TMEM120A: variants seen among roughly 807,000 people sequenced by gnomAD.
TMEM120A encodes ion channel TACAN.
Under a neutral mutation model 54.3 loss-of-function variants are expected in TMEM120A, and 45 were observed. The ratio of observed to expected loss-of-function variants is 0.83; its 90% confidence interval spans 0.65 to 1.06. The LOEUF (loss-of-function observed/expected upper bound fraction) is 1.06. TMEM120A is among the 50% of genes least tolerant of loss of function. The probability of loss-of-function intolerance (pLI) is 0.00; values close to 1 mark genes in which losing one functional copy is unlikely to be tolerated. For synonymous variants in TMEM120A, 204 were observed against 178.5 expected, an observed-to-expected ratio of 1.14 and a Z score of -1.14; for missense variants, 424 against 441.7, an observed-to-expected ratio of 0.96 and a Z score of 0.36.
chr7:75,987,886 G>A (rs1196502091), intron 8 of TMEM120A, 37 bp downstream of exon 8: 1 of 1,598,712 alleles, frequency 6.3e-7, no homozygotes, highest in Non-Finnish European at 8.5e-7. Context: ...CACCACGGGT[G>A]CCTCCAGGGC....
chr7:75,988,528 AG>A lies in TMEM120A; in HGVS notation c.378-13del. 6.3e-7 allele frequency: 1 copy of A among 1,592,516 alleles called. No homozygotes were observed. Among genetic ancestry groups the A allele is most frequent in the East Asian group, 2.3e-5 (1 of 44,194 alleles). On this transcript the variant is annotated splice_polypyrimidine_tract_variant and intron_variant, in intron 4 of 11. Coordinates refer to ENST00000493111, the MANE Select transcript of TMEM120A (RefSeq NM_031925.3). ...CCTTGTAGGCAAACCTGGGGGGCGC[AG>A]GCCGGTGAGACGGGTGGGGTGCTGG... is the stretch of plus-strand genomic sequence containing the variant.
chr7:75,994,417 G>T, intron 1 of TMEM120A, 73 bp downstream of exon 1: 1 of 1,400,558 alleles, frequency 7.1e-7, no homozygotes. Flanking sequence ...CCTGACCCAG[G>T]GCTGCCCGAC....
intron 9 of TMEM120A, 49 bp from the exon 10 acceptor site, chr7:75,987,651 G>A (rs782280083): frequency 4.4e-6 from 7 of 1,604,374 alleles, no homozygotes; most frequent in Admixed American, 1.7e-5. Flanking sequence ...CAGAGGGGAC[G>A]CTACCACTCA....
At chr7:75,993,567 T>C (rs1789926894) in intron 1 of TMEM120A, among the ~76,000 whole-genome samples, 1 of 152,126 alleles carries the variant, frequency 6.6e-6, no homozygotes, top group Non-Finnish European at 1.5e-5. Flanking sequence ...GAAGCACCAA[T>C]GGCAGGGGCC....
Position 75,988,274 on chromosome 7 carries a change from T to A in TMEM120A, c.541A>T (p.Ile181Phe). 2.5e-6 allele frequency: 4 copies of A among 1,612,204 alleles called. No individual in the cohort carries two copies. The highest frequency in any genetic ancestry group is 1.3e-5 in the African/African-American group (1 of 75,018). ...YYCTLTIRESILINNGSRIKG... is the reference protein window; with the variant it reads ...YYCTLTIRESFLINNGSRIKG... ...CACCGGGAGCCGTTGTTGATGAGGA[T>A]GCTCTCCCGGATGGTCAGGGTGCAG... The change falls in exon 6 of 12, where the codon ATC becomes TTC. Residue 181 changes from isoleucine (I) to phenylalanine (F), a missense_variant. Ile to Phe is a conservative substitution (Grantham distance 21). Transcript: ENST00000493111.
chr7:75,989,276 C>T, intron 3 of TMEM120A, 52 bp from the exon 4 acceptor site: 2 of 1,237,986 alleles, frequency 1.6e-6, no homozygotes. Context: ...AGACAAGCCA[C>T]CGGTACTCAG....
Position 75,987,742 on chromosome 7 carries a change from G to A in TMEM120A, c.760C>T (p.Arg254Trp), listed in dbSNP as rs374985692. Residue 254 changes from arginine to tryptophan, a missense_variant, in exon 9 of 12, where the codon CGG becomes TGG. Coordinates refer to ENST00000493111, the MANE Select transcript of TMEM120A (RefSeq NM_031925.3). ...CCCACAGTGAGGTCCATGGTGTGCC[G>A]CTCGCCCAGCGCCCGCAGGCGGTAG... ...CLYRLRALGE[R>W]HTMDLTVEGF... 1.5e-5 allele frequency: 24 copies of A among 1,612,286 alleles called. No individual in the cohort carries two copies. Among genetic ancestry groups the A allele is most frequent in the South Asian group, 9.9e-5 (9 of 91,036 alleles).
intron 4 of TMEM120A, among the ~76,000 whole-genome samples, 177 bp downstream of exon 4, chr7:75,988,988 T>G (rs1437992090): frequency 1.1e-3 from 2 of 1,898 alleles, no homozygotes; most frequent in African/African-American, 1.7e-3. Context: ...GGGTGGGGGG[T>G]GGAGGGGAAG....
In TMEM120A at chr7:75,989,185, C is replaced by T. The variant is rs376816660; in HGVS notation, c.357G>A (p.Thr119=). The T allele has an allele frequency of 1.3e-4, 193 of 1,440,732 alleles. No homozygotes were observed. Among genetic ancestry groups the T allele is most frequent in the Non-Finnish European group, 2.7e-5 (29 of 1,074,082 alleles). 89.2% of individuals were successfully genotyped at this position (1,440,732 alleles called of 1,614,324 possible). ...LSLVLGNVNV[T]LLSKQAKFAY... ...ATTACTTAGCCTGCTTGCTCAGGAG[C>T]GTGACGTTGACGTTCCCCAGAACCA... is the stretch of plus-strand genomic sequence containing the variant. The change falls in exon 4 of 12, where the codon ACG becomes ACA. Residue 119 remains threonine (T), a synonymous_variant. Transcript: ENST00000493111.
At chr7:75,987,337 C>G (rs782611074) in intron 11 of TMEM120A, 23 bp downstream of exon 11, 1 of 1,564,076 alleles carries the variant, frequency 6.4e-7, no homozygotes. Context: ...CCCCATCCAT[C>G]CTGTCCAGGG....
Position 75,987,216 on chromosome 7 carries a change from G to A in TMEM120A, c.988C>T (p.His330Tyr). The A allele has an allele frequency of 4.4e-6, 7 of 1,608,958 alleles. No individual in the cohort carries two copies. The highest frequency in any genetic ancestry group is 5.9e-6 in the Non-Finnish European group (7 of 1,178,274). Residue 330 changes from histidine to tyrosine, a missense_variant, in exon 12 of 12, where the codon CAC becomes TAC. Physicochemically the swap from His to Tyr is moderately conservative, Grantham distance 83. Transcript: ENST00000493111. ...TGCCGCTGACTGTGAAACTTGTGGT[G>A]CACAACCCTCAGGGTGGTGAAGAAA... is the stretch of plus-strand genomic sequence containing the variant. ...GNFFTTLRVV[H>Y]HKFHSQRHGS...
At chr7:75,993,839 C>T (rs1274354904) in intron 1 of TMEM120A, among the ~76,000 whole-genome samples, 1 of 152,184 alleles carries the variant, frequency 6.6e-6, no homozygotes, top group Non-Finnish European at 1.5e-5. Flanking sequence ...AGAACAGCCA[C>T]GGTGGCCCTG....
At chr7:75,989,255 G>A (rs1438427896) in intron 3 of TMEM120A, 31 bp from the exon 4 acceptor site, 4 of 1,480,950 alleles carry the variant, frequency 2.7e-6, no homozygotes, top group Non-Finnish European at 3.7e-6. Context: ...GTGAGGAGAA[G>A]CCCGAGTGAC....
rs1339762583 is a variant in TMEM120A at position 75,987,236 on chromosome 7, A to G, written c.968T>C (p.Phe323Ser). 33 of 1,608,994 alleles carry G rather than the reference A, an allele frequency of 2.1e-5. No homozygotes were observed. Among genetic ancestry groups the G allele is most frequent in the Non-Finnish European group, 2.7e-5 (32 of 1,178,302 alleles). ...GTGGTGCACAACCCTCAGGGTGGTG[A>G]AGAAATTGCCGAGGAAAAGGAGGAG... ...PFLLLFLGNF[F>S]TTLRVVHHKF... is the part of the protein sequence containing the mutation. Residue 323 changes from phenylalanine (F) to serine (S), a missense_variant, in exon 12 of 12, where the codon TTC becomes TCC. By Grantham distance (155) the Phe-to-Ser change is radical (BLOSUM62 -2). Coordinates refer to ENST00000493111, the MANE Select transcript of TMEM120A (RefSeq NM_031925.3).
In TMEM120A at chr7:75,992,186, C is replaced by G. The variant is rs1554561953; in HGVS notation, c.275G>C (p.Gly92Ala). 1.2e-6 allele frequency: 2 copies of G among 1,612,042 alleles called. No individual in the cohort carries two copies. Among genetic ancestry groups the G allele is most frequent in the Admixed American group, 1.7e-5 (1 of 59,796 alleles). The change falls in exon 3 of 12, where the codon GGC becomes GCC. Residue 92 changes from glycine (G) to alanine (A), a missense_variant. Physicochemically the swap from Gly to Ala is moderately conservative, Grantham distance 60 (BLOSUM62 0). Transcript: ENST00000493111. ...ELENQMKERQ[G>A]LFFDMEAYLP... ...ATAGGCCTCCATGTCAAAGAAGAGG[C>G]CTTGGCGCTCTTTCATCTGGTTCTC... is the stretch of plus-strand genomic sequence containing the variant.
At chr7:75,988,179 G>C in intron 6 of TMEM120A, 31 bp from the exon 7 acceptor site, 1 of 1,611,056 alleles carries the variant, frequency 6.2e-7, no homozygotes, top group South Asian at 1.1e-5. Flanking sequence ...CACCCCCAGC[G>C]CCTGTTCCTG....
Position 75,992,209 on chromosome 7 carries a change from C to T in TMEM120A, c.252G>A (p.Glu84=), listed in dbSNP as rs1554561966. Residue 84 remains glutamate (E), a synonymous_variant, in exon 3 of 12, where the codon GAG becomes GAA. Coordinates refer to ENST00000493111, the MANE Select transcript of TMEM120A (RefSeq NM_031925.3). ...GGCCTTGGCGCTCTTTCATCTGGTTCTCCAGCTCCTGTGCGGCCCCCTCGG... is the reference window on the plus strand; with the variant it reads ...GGCCTTGGCGCTCTTTCATCTGGTTTTCCAGCTCCTGTGCGGCCCCCTCGG... The part of the protein sequence containing the change: ...AEAEGAAQEL[E]NQMKERQGLF... 6.2e-7 allele frequency: 1 copy of T among 1,612,558 alleles called. No homozygotes were observed. Among genetic ancestry groups the T allele is most frequent in the Non-Finnish European group, 8.5e-7 (1 of 1,179,406 alleles).
intron 3 of TMEM120A, among the ~76,000 whole-genome samples, chr7:75,990,877 GAC>G (rs1238052131): frequency 1.5e-5 from 2 of 130,966 alleles, no homozygotes; most frequent in Non-Finnish European, 3.1e-5. Flanking sequence ...CCAGCCTAGC[GAC>G]AGAGTGAGAC....
In TMEM120A at chr7:75,987,111, C is replaced by T. The variant is rs201788006; in HGVS notation, c.*61G>A. The T allele has an allele frequency of 3.7e-4, 515 of 1,404,258 alleles. No individual in the cohort carries two copies. Among genetic ancestry groups the T allele is most frequent in the Non-Finnish European group, 4.7e-4 (472 of 1,012,678 alleles). 87.0% of individuals were successfully genotyped at this position (1,404,258 alleles called of 1,614,324 possible). On this transcript the variant is annotated 3_prime_UTR_variant, in exon 12 of 12. Transcript: ENST00000493111. ...ACACGCACACTCGAGGGGCGCCTCC[C>T]ATCCCCTCCCACAACACACAGGACA...
Sources: allele counts gnomAD v4.1 joint callset (sites outside exome capture counted in the v4.1 genomes callset), GRCh38; gene constraint gnomAD v4.1.1; transcripts MANE v1.5; gene names NCBI Gene and HGNC (gene_info 2026-07-23, HGNC 2026-07-21).